Variants in CSF2RB observed in about 807,000 individuals in gnomAD.
CSF2RB encodes colony stimulating factor 2 receptor subunit beta.
A neutral mutation model predicts 67.2 loss-of-function variants in CSF2RB; 22 were observed. The observed-to-expected ratio is 0.33, with a 90% CI of 0.23 to 0.47. CSF2RB has a LOEUF of 0.47. CSF2RB is among the 20% of genes least tolerant of loss of function. CSF2RB has a pLI of 1.00. For missense variants in CSF2RB, 1,113 were observed against 1,174.5 expected (o/e 0.95, Z 0.76); for synonymous variants, 507 against 482.9 (o/e 1.05, Z -0.65).
In CSF2RB at chr22:36,918,441, G is replaced by A. The variant is rs184704393; in HGVS notation, c.-172-3595G>A. On this transcript the variant is annotated intron_variant, in intron 1 of 13. Coordinates refer to ENST00000403662, the MANE Select transcript of CSF2RB (RefSeq NM_000395.3). The stretch of plus-strand genomic sequence containing the variant: ...TGTTTTCTTCTGGAAGCATTTCTGG[G>A]ATCATCCTCATATTCTTGCAAGACG... Among the ~76,000 whole-genome samples, 5 of 151,180 alleles carry A rather than the reference G, an allele frequency of 3.3e-5. No individual in the cohort carries two copies. In the East Asian group the frequency reaches 9.6e-4, roughly 29 times the overall value.
intron 9 of CSF2RB, among the ~76,000 whole-genome samples, chr22:36,933,436 G>T (rs1490169035): frequency 3.3e-5 from 5 of 152,220 alleles, no homozygotes; most frequent in African/African-American, 1.2e-4. Flanking sequence ...GGAGCCAGGA[G>T]CGGGCCCTGG....
intron 4 of CSF2RB, among the ~76,000 whole-genome samples, chr22:36,927,519 G>A (rs1214994966): frequency 6.6e-6 from 1 of 152,186 alleles, no homozygotes; most frequent in East Asian, 1.9e-4. Context: ...AGAGGCTGGG[G>A]GATCAGAAGG....
chr22:36,922,403 T>C, intron 2 of CSF2RB, 120 bp downstream of exon 2: 1 of 935,876 alleles, frequency 1.1e-6, no homozygotes, highest in Non-Finnish European at 1.7e-6. Context: ...CCCCTCCCTC[T>C]GTCTCTCCCC....
intron 12 of CSF2RB, among the ~76,000 whole-genome samples, chr22:36,936,280 TG>T (rs980517523): frequency 3.2e-4 from 48 of 151,306 alleles, no homozygotes; most frequent in African/African-American, 1.1e-3. Context: ...GGAGGAGAAA[TG>T]GGGGTGAGCA....
chr22:36,929,334 G>A (rs1261382247), intron 4 of CSF2RB, 68 bp from the exon 5 acceptor site: 2 of 1,609,338 alleles, frequency 1.2e-6, no homozygotes, highest in South Asian at 1.1e-5. Context: ...CCACACAAAA[G>A]GCCATGCAGG....
In CSF2RB at chr22:36,937,996, C is replaced by T. The variant is rs138141616; in HGVS notation, c.2188C>T (p.Leu730=). 1.2e-5 allele frequency: 19 copies of T among 1,614,022 alleles called. No individual in the cohort carries two copies. In the African/African-American group the frequency reaches 2.3e-4, roughly 19 times the overall value. The change falls in exon 14 of 14, where the codon CTA becomes TTA. Residue 730 remains leucine, a synonymous_variant. Coordinates refer to ENST00000403662, the MANE Select transcript of CSF2RB (RefSeq NM_000395.3). This position sits in a 1 kb window ranked among gnomAD's most constrained non-coding sequence, Gnocchi z 4.6. ...TPNSGASSVS[L]VPSLGLPSDQ... ...AAACTCAGGGGCCTCGTCTGTCTCCCTAGTTCCCTCTCTGGGCCTCCCCTC... is the reference window on the plus strand; with the variant it reads ...AAACTCAGGGGCCTCGTCTGTCTCCTTAGTTCCCTCTCTGGGCCTCCCCTC...
chr22:36,916,222 G>T (rs2413435), intron 1 of CSF2RB, among the ~76,000 whole-genome samples: 64,986 of 151,954 alleles, frequency 0.43, 16,400 homozygotes, highest in East Asian at 0.58. Flanking sequence ...TTTCTGGTTT[G>T]GTGTCTTGAA....
intron 10 of CSF2RB, among the ~76,000 whole-genome samples, chr22:36,934,693 C>T (rs775507023): frequency 1.3e-5 from 2 of 152,172 alleles, no homozygotes; most frequent in Non-Finnish European, 2.9e-5. Context: ...GACCACCAGG[C>T]GACTCCCGCA....
Position 36,923,186 on chromosome 22 carries a change from A to T in CSF2RB, c.77-58A>T, listed in dbSNP as rs1940920424. 1.9e-6 allele frequency: 3 copies of T among 1,613,408 alleles called. No homozygotes were observed. The African/African-American group carries it at 4.0e-5, about 22-fold the overall frequency. ...GGACATCCCAAAGCAGCTGGGGGTG[A>T]TGGTGACAAGGGTCCCTGCAGGAAA... On this transcript the variant is annotated intron_variant, in intron 2 of 13. Coordinates refer to ENST00000403662, the MANE Select transcript of CSF2RB (RefSeq NM_000395.3).
At position 36,938,437 on chromosome 22, in the gene CSF2RB, C is replaced by A; in HGVS notation, c.2629C>A (p.Leu877Met). Residue 877 changes from leucine (L) to methionine (M), a missense_variant, in exon 14 of 14, where the codon CTG (leucine) becomes ATG (methionine). By Grantham distance (15) the Leu-to-Met change is conservative. Around this residue, in one of 2 missense-constraint regions of CSF2RB, gnomAD observed 554 missense variants for 517.9 expected, o/e 1.07. Coordinates refer to ENST00000403662, the MANE Select transcript of CSF2RB (RefSeq NM_000395.3). ...GCCCGTCATTCAGCTCTTCAAAGCC[C>A]TGAAGCAGCAGGACTACCTGTCTCT... Reference protein sequence around the residue: ...QVPVIQLFKALKQQDYLSLPP... With the variant: ...QVPVIQLFKAMKQQDYLSLPP... The A allele has an allele frequency of 6.2e-7, 1 of 1,614,198 alleles. No individual in the cohort carries two copies. The highest frequency in any genetic ancestry group is 8.5e-7 in the Non-Finnish European group (1 of 1,180,024).
rs376642126 is a variant in CSF2RB, at chr22:36,935,703, G to A, written c.1464+16G>A. 207 of 1,611,306 alleles carry A rather than the reference G, an allele frequency of 1.3e-4. No homozygotes were observed. Among genetic ancestry groups the A allele is most frequent in the South Asian group, 2.5e-4 (23 of 90,624 alleles). ...CCTGTTCCAGGTAGGAACTGGCTGC[G>A]AGGGGCGGAGTGGGGGCTTCTCTGT... On this transcript the variant is annotated intron_variant, in intron 12 of 13. Coordinates refer to ENST00000403662, the MANE Select transcript of CSF2RB (RefSeq NM_000395.3).
At position 36,929,641 on chromosome 22, in the gene CSF2RB, C is replaced by A; in HGVS notation, c.552C>A (p.Asp184Glu). 6.2e-7 allele frequency: 1 copy of A among 1,614,222 alleles called. No homozygotes were observed. Among genetic ancestry groups the A allele is most frequent in the Non-Finnish European group, 8.5e-7 (1 of 1,180,032 alleles). ...VYKRLQDSWEDAAILLSNTSQ... is the reference protein window; with the variant it reads ...VYKRLQDSWEEAAILLSNTSQ... The stretch of plus-strand genomic sequence containing the variant: ...CAGCACCCACTGTCTCCTGACAGGA[C>A]GCAGCCATCCTCCTCTCCAACACCT... The change falls in exon 6 of 14, where the codon GAC becomes GAA. Residue 184 changes from aspartate (D) to glutamate (E), a missense_variant and splice_region_variant. By Grantham distance (45) the Asp-to-Glu change is conservative (BLOSUM62 2). Coordinates refer to ENST00000403662, the MANE Select transcript of CSF2RB (RefSeq NM_000395.3).
At chr22:36,925,792 C>G (rs996250036) in intron 3 of CSF2RB, among the ~76,000 whole-genome samples, 195 bp from the exon 4 acceptor site, 1 of 152,222 alleles carries the variant, frequency 6.6e-6, no homozygotes, top group Non-Finnish European at 1.5e-5. Flanking sequence ...CTCTCCACTG[C>G]ACACGCTACA....
At chr22:36,936,446 G>T in intron 12 of CSF2RB, 103 bp from the exon 13 acceptor site, 1 of 878,066 alleles carries the variant, frequency 1.1e-6, no homozygotes. Flanking sequence ...TTCTTCTCTT[G>T]TCTGGGGGCT....
intron 12 of CSF2RB, among the ~76,000 whole-genome samples, chr22:36,935,948 G>T (rs368359428): frequency 4.7e-4 from 62 of 131,944 alleles, no homozygotes; most frequent in African/African-American, 1.5e-3. Flanking sequence ...CCTGGGACAG[G>T]GTGGGCTCAC....
chr22:36,938,484 G>A lies in CSF2RB; in HGVS notation c.2676G>A (p.Lys892=), dbSNP rs1226437983. 6.2e-7 allele frequency: 1 copy of A among 1,613,376 alleles called. No homozygotes were observed. Among genetic ancestry groups the A allele is most frequent in the Admixed American group, 1.7e-5 (1 of 59,952 alleles). ...YLSLPPWEVN[K]PGEVC is the part of the protein sequence containing the mutation. Reference sequence around the variant, plus strand: ...CTCTGCCCCCTTGGGAGGTCAACAAGCCTGGGGAGGTGTGTTGAGACCCCC... The same window carrying A: ...CTCTGCCCCCTTGGGAGGTCAACAAACCTGGGGAGGTGTGTTGAGACCCCC... The change falls in exon 14 of 14, where the codon AAG becomes AAA. Residue 892 remains lysine (K), a synonymous_variant. Transcript: ENST00000403662.
rs1408951615 is a variant in CSF2RB, at chr22:36,939,590, C to A, written c.*1088C>A. 4.2e-6 allele frequency: 1 copy of A among 237,864 alleles called. No individual in the cohort carries two copies. The highest frequency in any genetic ancestry group is 2.2e-5 in the African/African-American group (1 of 45,256). 14.7% of individuals were successfully genotyped at this position (237,864 alleles called of 1,614,324 possible). A position where few individuals can be genotyped will look rare whatever the true frequency, so the allele number is the denominator to read the frequency against. ...CTTTAATTTGCATTATTTTAGTTAT[C>A]CAGTTTGCACATATTTTTATAGGTA... On this transcript the variant is annotated 3_prime_UTR_variant, in exon 14 of 14. Transcript: ENST00000403662.
chr22:36,934,067 A>G (rs1450763671), intron 10 of CSF2RB, 73 bp downstream of exon 10: 1 of 1,574,882 alleles, frequency 6.3e-7, no homozygotes, highest in Non-Finnish European at 8.6e-7. Context: ...AAAATCCCCA[A>G]TGCAGCAGCC....
In CSF2RB at chr22:36,938,545, C is replaced by A; in HGVS notation, c.*43C>A. ...AGGCAAGGGGATGGAGAGGGCTTGC[C>A]TTCCCTCCCGCCTGACCTTCCTCAG... On this transcript the variant is annotated 3_prime_UTR_variant, in exon 14 of 14. Coordinates refer to ENST00000403662, the MANE Select transcript of CSF2RB (RefSeq NM_000395.3). The A allele has an allele frequency of 6.4e-7, 1 of 1,570,614 alleles. No individual in the cohort carries two copies. The highest frequency in any genetic ancestry group is 1.2e-5 in the South Asian group (1 of 85,656).
Sources: allele counts gnomAD v4.1 joint callset (sites outside exome capture counted in the v4.1 genomes callset), GRCh38; gene constraint gnomAD v4.1.1; regional missense constraint gnomAD v4.1.1; non-coding constraint Gnocchi (gnomAD v3.1); transcripts MANE v1.5; gene names NCBI Gene and HGNC (gene_info 2026-07-23, HGNC 2026-07-21).